The following MAG variants were observed in gnomAD, a reference collection of about 807,000 sequenced individuals.
MAG encodes myelin associated glycoprotein, also known as myelin-associated glycoprotein.
MAG carries 30 observed loss-of-function variants against 60.7 expected under a neutral mutation model. That is an observed-to-expected ratio of 0.49 (90% CI 0.37 to 0.67). The LOEUF (loss-of-function observed/expected upper bound fraction) is 0.67. Ranked by LOEUF, MAG falls within the 30% of genes least tolerant of loss-of-function variation. MAG has a pLI of 0.00. For missense variants in MAG, 795 were observed against 851.7 expected, an observed-to-expected ratio of 0.93 and a Z score of 0.83; for synonymous variants, 384 against 376.8, an observed-to-expected ratio of 1.02 and a Z score of -0.22.
At position 35,312,016 on chromosome 19, in the gene MAG, A is replaced by T; in HGVS notation, c.1715A>T (p.Glu572Val). Reference protein sequence around the residue: ...FRISGAPEKYESERRLGSERR... With the variant: ...FRISGAPEKYVSERRLGSERR... ...ATCTCTGGGGCACCAGAGAAGTACGAGGTAAGGACCAGGCTCCAGGCTGGC... is the reference window on the plus strand; with the variant it reads ...ATCTCTGGGGCACCAGAGAAGTACGTGGTAAGGACCAGGCTCCAGGCTGGC... The change falls in exon 10 of 11, where the codon GAG (glutamate) becomes GTG (valine). Residue 572 changes from glutamate (E) to valine (V), a missense_variant and splice_region_variant. Physicochemically the swap from Glu to Val is moderately radical, Grantham distance 121. Coordinates refer to ENST00000392213, the MANE Select transcript of MAG (RefSeq NM_002361.4). The T allele has an allele frequency of 6.2e-7, 1 of 1,611,890 alleles. No homozygotes were observed. The highest frequency in any genetic ancestry group is 8.5e-7 in the Non-Finnish European group (1 of 1,178,950).
In MAG at chr19:35,313,750, C is replaced by A. The variant is rs1476871587; in HGVS notation, c.*296C>A. On this transcript the variant is annotated 3_prime_UTR_variant, in exon 11 of 11. Transcript: ENST00000392213. The stretch of plus-strand genomic sequence containing the variant: ...TACTTCCTGCCTGGTCTCCTGCCCC[C>A]ACACCTGGCCCTGGGGCCTGTACAA... 2.7e-5 allele frequency: 8 copies of A among 292,450 alleles called. No individual in the cohort carries two copies. The highest frequency in any genetic ancestry group is 3.8e-5 in the Non-Finnish European group (6 of 157,188). 18.1% of individuals were successfully genotyped at this position (292,450 alleles called of 1,614,324 possible). A position where few individuals can be genotyped will look rare whatever the true frequency, so the allele number is the denominator to read the frequency against.
At position 35,295,586 on chromosome 19, in the gene MAG, A is replaced by T. The variant is rs370255945; in HGVS notation, c.47-27A>T. The T allele has an allele frequency of 6.3e-7, 1 of 1,594,222 alleles. No homozygotes were observed. The highest frequency in any genetic ancestry group is 8.5e-7 in the Non-Finnish European group (1 of 1,171,238). Reference sequence around the variant, plus strand: ...GGTGATCGGGTAGGACGTGTCCCTGAGCCTCAGCTCTCCTGCTTGCCCGCA... The same window carrying T: ...GGTGATCGGGTAGGACGTGTCCCTGTGCCTCAGCTCTCCTGCTTGCCCGCA... On this transcript the variant is annotated intron_variant, in intron 3 of 10. Coordinates refer to ENST00000392213, the MANE Select transcript of MAG (RefSeq NM_002361.4). This position sits in a 1 kb window ranked among gnomAD's most constrained non-coding sequence, Gnocchi z 5.8.
At chr19:35,296,006 C>A (rs772311188) in intron 4 of MAG, 25 bp downstream of exon 4, 1 of 1,534,272 alleles carries the variant, frequency 6.5e-7, no homozygotes, top group East Asian at 2.3e-5. Context: ...GTTGTGCAGG[C>A]ACCGGGAGCT....
Position 35,294,764 on chromosome 19 carries a change from A to AAAT in MAG, c.-24+486_-24+488dup, listed in dbSNP as rs1232761853. ...ATGGCAAGACTCCCATCTCTAAAAA[A>AAAT]AATAATAATAATAACCAAATAAATA... On this transcript the variant is annotated intron_variant, in intron 2 of 10. Coordinates refer to ENST00000392213, the MANE Select transcript of MAG (RefSeq NM_002361.4). Among the ~76,000 whole-genome samples the AAAT allele has an allele frequency of 2.6e-4, 40 of 152,242 alleles. No individual in the cohort carries two copies. In the East Asian group the frequency reaches 6.6e-3, roughly 25 times the overall value.
chr19:35,295,858 C>A lies in MAG; in HGVS notation c.292C>A (p.Arg98=), dbSNP rs1205309923. Residue 98 remains arginine (R), a synonymous_variant, in exon 4 of 11, where the codon CGA becomes AGA. Transcript: ENST00000392213. This position sits in a 1 kb window ranked among gnomAD's most constrained non-coding sequence, Gnocchi z 5.8. ...CCGCCTCCTGGGGGACCTGGGCCTG[C>A]GAAACTGCACCCTCCTGCTCAGCAA... ...RSRLLGDLGL[R]NCTLLLSNVS... is the part of the protein sequence containing the mutation. 2.5e-6 allele frequency: 4 copies of A among 1,613,940 alleles called. No homozygotes were observed. The highest frequency in any genetic ancestry group is 2.2e-5 in the East Asian group (1 of 44,888).
chr19:35,293,968 CCA>C lies in MAG; in HGVS notation c.-79-265_-79-264del, dbSNP rs1469784089. Among the ~76,000 whole-genome samples, 1 of 152,076 alleles carries C rather than the reference CCA, an allele frequency of 6.6e-6. No homozygotes were observed. Among genetic ancestry groups the C allele is most frequent in the Non-Finnish European group, 1.5e-5 (1 of 68,024 alleles). On this transcript the variant is annotated intron_variant, in intron 1 of 10. Transcript: ENST00000392213. The surrounding 1 kb of genome is among the most constrained non-coding windows in gnomAD (Gnocchi z 4.0). Reference sequence around the variant, plus strand: ...GCCGTGGGACATCTGCTCCCTCACTCCACTCGCCACACCCCTCAGTCTCACCC... The same window carrying C: ...GCCGTGGGACATCTGCTCCCTCACTCCTCGCCACACCCCTCAGTCTCACCC...
rs764751013 is a variant in MAG at position 35,300,438 on chromosome 19, C to G, written c.970+34C>G. ...CCCACTCTGTGCGTCCACACGCCCA[C>G]CTGCAGCCGAGAGATAAAGGGAAAG... On this transcript the variant is annotated intron_variant, in intron 6 of 10. Coordinates refer to ENST00000392213, the MANE Select transcript of MAG (RefSeq NM_002361.4). 7 of 1,524,502 alleles carry G rather than the reference C, an allele frequency of 4.6e-6. No individual in the cohort carries two copies. The South Asian group carries it at 4.9e-5, about 11-fold the overall frequency. 94.4% of individuals were successfully genotyped at this position (1,524,502 alleles called of 1,614,324 possible). A position where few individuals can be genotyped will look rare whatever the true frequency, so the allele number is the denominator to read the frequency against.
intron 7 of MAG, among the ~76,000 whole-genome samples, chr19:35,303,724 A>C (rs2066464840): frequency 6.6e-6 from 1 of 152,112 alleles, no homozygotes; most frequent in Non-Finnish European, 1.5e-5. Context: ...ACTGTCTTGG[A>C]AATGAAACTC....
intron 1 of MAG, among the ~76,000 whole-genome samples, 199 bp from the exon 2 acceptor site, chr19:35,294,036 T>C (rs779331251): frequency 3.3e-5 from 5 of 152,050 alleles, no homozygotes; most frequent in Non-Finnish European, 7.4e-5. Context: ...CTCCCCACAG[T>C]TCTCTGACAC....
At position 35,313,152 on chromosome 19, in the gene MAG, C is replaced by T. The variant is rs185687778; in HGVS notation, c.1717-138C>T. The T allele has an allele frequency of 3.2e-4, 276 of 857,098 alleles. No homozygotes were observed. The African/African-American group carries it at 4.3e-3, about 13-fold the overall frequency. The allele number at this position is 857,098 out of a possible 1,614,324, so 53.1% of individuals were successfully genotyped here. A position where few individuals can be genotyped will look rare whatever the true frequency, so the allele number is the denominator to read the frequency against. Reference sequence around the variant, plus strand: ...GTGACCGCAGGGCTCGCTGGGCCTGCGGTCCTTGAGAAAGGAGGTTCTCGC... The same window carrying T: ...GTGACCGCAGGGCTCGCTGGGCCTGTGGTCCTTGAGAAAGGAGGTTCTCGC... On this transcript the variant is annotated intron_variant, in intron 10 of 10. Transcript: ENST00000392213.
At chr19:35,309,324 G>C (rs113904182) in intron 7 of MAG, among the ~76,000 whole-genome samples, 4 of 152,184 alleles carry the variant, frequency 2.6e-5, no homozygotes, top group African/African-American at 4.8e-5. Flanking sequence ...ACAGTGCTAC[G>C]GCGAGAGAAA....
chr19:35,312,000 G>A lies in MAG; in HGVS notation c.1699G>A (p.Ala567Thr), dbSNP rs1394570258. Residue 567 changes from alanine to threonine, a missense_variant, in exon 10 of 11, where the codon GCA becomes ACA. Physicochemically the swap from Ala to Thr is moderately conservative, Grantham distance 58. Transcript: ENST00000392213. ...LFSSDFRISGAPEKYESERRL... is the reference protein window; with the variant it reads ...LFSSDFRISGTPEKYESERRL... ...CAGCAGCGACTTCCGCATCTCTGGG[G>A]CACCAGAGAAGTACGAGGTAAGGAC... 2 of 1,612,754 alleles carry A rather than the reference G, an allele frequency of 1.2e-6. No homozygotes were observed. Among genetic ancestry groups the A allele is most frequent in the Non-Finnish European group, 1.7e-6 (2 of 1,179,338 alleles).
Position 35,310,067 on chromosome 19 carries a change from G to C in MAG, c.1425G>C (p.Thr475=). The change falls in exon 8 of 11, where the codon ACG becomes ACC. Residue 475 remains threonine, a synonymous_variant. Coordinates refer to ENST00000392213, the MANE Select transcript of MAG (RefSeq NM_002361.4). The part of the protein sequence containing the change: ...RSGLVLTSIL[T]LRGQAQAPPR... ...GCCTCGTGCTCACCAGCATCCTCACGCTGCGGGGGCAGGCCCAGGCCCCGC... is the reference window on the plus strand; with the variant it reads ...GCCTCGTGCTCACCAGCATCCTCACCCTGCGGGGGCAGGCCCAGGCCCCGC... 1 of 1,613,478 alleles carries C rather than the reference G, an allele frequency of 6.2e-7. No homozygotes were observed. Among genetic ancestry groups the C allele is most frequent in the Non-Finnish European group, 8.5e-7 (1 of 1,179,878 alleles).
At chr19:35,292,805 G>A (rs1235906824) in intron 1 of MAG, among the ~76,000 whole-genome samples, 1 of 150,402 alleles carries the variant, frequency 6.6e-6, no homozygotes, top group Non-Finnish European at 1.5e-5. Context: ...TCACTATATT[G>A]CCCAGGCTGG....
Position 35,295,459 on chromosome 19 carries a change from C to A in MAG, c.46+5C>A, listed in dbSNP as rs200192210. The A allele has an allele frequency of 1.2e-5, 19 of 1,613,932 alleles. No homozygotes were observed. The highest frequency in any genetic ancestry group is 1.6e-4 in the Middle Eastern group (1 of 6,082). On this transcript the variant is annotated splice_donor_5th_base_variant and intron_variant, in intron 3 of 10. Coordinates refer to ENST00000392213, the MANE Select transcript of MAG (RefSeq NM_002361.4). This position sits in a 1 kb window ranked among gnomAD's most constrained non-coding sequence, Gnocchi z 5.8. ...TGTTCTGGATTATGATTTCAGGTAA[C>A]GGCTGACAGGTGCTGGGGACCTAAA...
At position 35,311,775 on chromosome 19, in the gene MAG, G is replaced by A. The variant is rs529402369; in HGVS notation, c.1617-143G>A. On this transcript the variant is annotated intron_variant, in intron 9 of 10. Coordinates refer to ENST00000392213, the MANE Select transcript of MAG (RefSeq NM_002361.4). ...GGAAGGATGGGCTGTGTGGGTAGGAGAGGCTGGTGGTTCTGAAAGGGCTGC... is the reference window on the plus strand; with the variant it reads ...GGAAGGATGGGCTGTGTGGGTAGGAAAGGCTGGTGGTTCTGAAAGGGCTGC... 2.6e-3 allele frequency: 1,629 copies of A among 634,364 alleles called. 24 individuals are homozygous for A. The highest frequency in any genetic ancestry group is 0.02 in the South Asian group (1,085 of 55,624). 39.3% of individuals were successfully genotyped at this position (634,364 alleles called of 1,614,324 possible). A position where few individuals can be genotyped will look rare whatever the true frequency, so the allele number is the denominator to read the frequency against.
intron 4 of MAG, among the ~76,000 whole-genome samples, chr19:35,297,740 C>CCA (rs1403333161): frequency 6.7e-6 from 1 of 149,698 alleles, no homozygotes; most frequent in South Asian, 2.1e-4. Context: ...ACTGCACAAA[C>CCA]CACACACACA....
chr19:35,302,350 G>A, intron 6 of MAG, 98 bp from the exon 7 acceptor site: 1 of 1,463,658 alleles, frequency 6.8e-7, no homozygotes, highest in South Asian at 1.3e-5. Flanking sequence ...GGTGTGCTAG[G>A]TTTGGGGTGG....
At position 35,297,459 on chromosome 19, in the gene MAG, C is replaced by T. The variant is rs554198738; in HGVS notation, c.415+1478C>T. ...ACCACGCTACAAAAACTACACACCA[C>T]ACACTGCACATGCCACACACACACT... On this transcript the variant is annotated intron_variant, in intron 4 of 10. Coordinates refer to ENST00000392213, the MANE Select transcript of MAG (RefSeq NM_002361.4). Among the ~76,000 whole-genome samples the T allele has an allele frequency of 3.4e-5, 5 of 148,602 alleles. No individual in the cohort carries two copies. The South Asian group carries it at 8.7e-4, about 26-fold the overall frequency.
Sources: gnomAD v4.1 joint callset for allele counts (sites outside exome capture counted in the v4.1 genomes callset) on GRCh38, gnomAD v4.1.1 for gene constraint, Gnocchi (gnomAD v3.1) non-coding constraint, MANE v1.5 for transcripts, NCBI Gene and HGNC (gene_info 2026-07-23, HGNC 2026-07-21) for gene names.